Variants in ANK3 observed in about 807,000 individuals in gnomAD.
ANK3 encodes ankyrin-3.
A neutral mutation model predicts 370.9 loss-of-function variants in ANK3; 57 were observed. That is an observed-to-expected ratio of 0.15 (90% CI 0.12 to 0.19). The LOEUF is 0.19. ANK3 is among the 10% of genes least tolerant of loss of function. The probability of loss-of-function intolerance (pLI) is 1.00; values close to 1 mark genes in which losing one functional copy is unlikely to be tolerated. For synonymous variants in ANK3, 1,929 were observed against 1,946.3 expected (o/e 0.99, Z 0.23); for missense variants, 4,439 against 5,302.1 (o/e 0.84, Z 5.06).
intron 2 of ANK3, among the ~76,000 whole-genome samples, chr10:60,412,701 A>G (rs1392231982): frequency 6.6e-6 from 1 of 152,210 alleles, no homozygotes; most frequent in Non-Finnish European, 1.5e-5. Flanking sequence ...TAGAGCTGAG[A>G]CTGTCTGTAA....
chr10:60,271,044 C>T lies in ANK3; in HGVS notation c.415-815G>A, dbSNP rs116969271. Among the ~76,000 whole-genome samples the T allele has an allele frequency of 1.0e-3, 157 of 152,180 alleles. 1 individual carries two copies. The Middle Eastern group carries it at 0.014, about 13-fold the overall frequency. ...TTCAAGCAAATTAATATGCATATTA[C>T]ATCTTTTCCTACTAAAAAAATGTTG... is the stretch of plus-strand genomic sequence containing the variant. On this transcript the variant is annotated intron_variant, in intron 4 of 43. Transcript: ENST00000280772.
intron 2 of ANK3, among the ~76,000 whole-genome samples, chr10:60,458,223 T>A (rs956812418): frequency 6.6e-6 from 1 of 152,104 alleles, no homozygotes; most frequent in Non-Finnish European, 1.5e-5. Context: ...AAGTGTACTC[T>A]CTCCTTTCAT....
chr10:60,703,480 C>T (rs7909972), intron 1 of ANK3, among the ~76,000 whole-genome samples: 113 of 152,176 alleles, frequency 7.4e-4, no homozygotes, highest in African/African-American at 2.7e-3. Flanking sequence ...ACTACTCTGT[C>T]GGATTTTGTA....
chr10:60,236,447 C>G (rs1286967710), intron 7 of ANK3, among the ~76,000 whole-genome samples: 6 of 152,154 alleles, frequency 3.9e-5, no homozygotes. Flanking sequence ...CTCCACAGCT[C>G]CTCTATCCCA....
chr10:60,147,916 A>G (rs1324209486), intron 23 of ANK3, among the ~76,000 whole-genome samples: 1 of 152,202 alleles, frequency 6.6e-6, no homozygotes, highest in African/African-American at 2.4e-5. Context: ...GACTAATACA[A>G]CTTTCTGGCT....
intron 2 of ANK3, among the ~76,000 whole-genome samples, chr10:60,470,322 C>A (rs1207822981): frequency 6.6e-6 from 1 of 152,050 alleles, no homozygotes; most frequent in Non-Finnish European, 1.5e-5. Flanking sequence ...ATTAGGGGAG[C>A]TATGCTTGGT....
chr10:60,123,061 T>C (rs2093584855), intron 25 of ANK3, among the ~76,000 whole-genome samples: 1 of 152,146 alleles, frequency 6.6e-6, no homozygotes, highest in Non-Finnish European at 1.5e-5. Context: ...CTGAGAGTAA[T>C]GGAGCCATTT....
intron 12 of ANK3, among the ~76,000 whole-genome samples, chr10:60,201,500 C>A (rs1335826680): frequency 4.6e-5 from 7 of 152,126 alleles, no homozygotes; most frequent in African/African-American, 1.7e-4. Flanking sequence ...TTCTATAAAA[C>A]AATGTCAAAT....
chr10:60,412,263 G>A (rs898312231), intron 2 of ANK3, among the ~76,000 whole-genome samples: 10 of 152,154 alleles, frequency 6.6e-5, no homozygotes, highest in African/African-American at 1.7e-4. Context: ...ACTCAGTAGC[G>A]TAGATTGCCC....
chr10:60,531,439 A>G (rs1371115167), intron 2 of ANK3, among the ~76,000 whole-genome samples: 2 of 152,122 alleles, frequency 1.3e-5, no homozygotes, highest in African/African-American at 4.8e-5. Context: ...CTGTAATATT[A>G]GTTGCCTCTG....
At position 60,071,676 on chromosome 10, in the gene ANK3, T is replaced by C. The variant is rs1167250594; in HGVS notation, c.9205A>G (p.Ser3069Gly). The C allele has an allele frequency of 1.2e-6, 2 of 1,604,574 alleles. No homozygotes were observed. Among genetic ancestry groups the C allele is most frequent in the Non-Finnish European group, 1.7e-6 (2 of 1,176,612 alleles). The stretch of plus-strand genomic sequence containing the variant: ...AGTTTTTCCAATCCATCAATGGGAC[T>C]GTGGTCGAATACATCACTAGAGGGA... ...ESPSSDVFDH[S>G]PIDGLEKLAP... The change falls in exon 37 of 44, where the codon AGT becomes GGT. Residue 3069 changes from serine to glycine, a missense_variant. By Grantham distance (56) the Ser-to-Gly change is moderately conservative. Transcript: ENST00000280772.
At chr10:60,671,421 C>T (rs1238027796) in intron 1 of ANK3, among the ~76,000 whole-genome samples, 2 of 152,254 alleles carry the variant, frequency 1.3e-5, no homozygotes, top group African/African-American at 4.8e-5. Flanking sequence ...GTCACTTCCT[C>T]TCAGAGGTCT....
chr10:60,469,321 ATATATATATATACCACTTTTAGTG>A lies in ANK3; in HGVS notation c.96+145841_96+145864del, dbSNP rs1378957771. 2.5e-5 allele frequency among the ~76,000 whole-genome samples: 3 copies of A among 119,898 alleles called. 1 individual carries two copies. The highest frequency in any genetic ancestry group is 3.5e-5 in the Non-Finnish European group (2 of 57,630). 78.7% of individuals were successfully genotyped at this position (119,898 alleles called of 152,430 possible). A position where few individuals can be genotyped will look rare whatever the true frequency, so the allele number is the denominator to read the frequency against. On this transcript the variant is annotated intron_variant, in intron 2 of 43. Coordinates refer to the ANK3 transcript ENST00000373827. The stretch of plus-strand genomic sequence containing the variant: ...TATATATATATACCACTTTTAGTGT[ATATATATATATACCACTTTTAGTG>A]TATATATATATACCACTTTTAGTGT...
chr10:60,684,616 T>C, intron 1 of ANK3: 24 of 1,590,228 alleles, frequency 1.5e-5, no homozygotes, highest in South Asian at 9.9e-5. Context: ...AACTGTCTTA[T>C]ACAGGCTGCA....
chr10:60,636,185 C>T (rs961553747), intron 1 of ANK3, among the ~76,000 whole-genome samples: 2 of 152,152 alleles, frequency 1.3e-5, no homozygotes, highest in African/African-American at 4.8e-5. Context: ...ATAGGCAACA[C>T]AAATTTAATT....
At chr10:60,035,965 G>T (rs2074867510) in intron 43 of ANK3, among the ~76,000 whole-genome samples, 1 of 151,958 alleles carries the variant, frequency 6.6e-6, no homozygotes, top group African/African-American at 2.4e-5. Flanking sequence ...GGAGGGCAGG[G>T]TCCTGAATTT....
At chr10:60,062,132 GTGGT>G (rs2080660945) in intron 40 of ANK3, 4 of 152,186 alleles carry the variant, frequency 2.6e-5, no homozygotes. Context: ...GCTGGGCACG[GTGGT>G]GCATGCCTGT....
chr10:60,037,117 C>G (rs548239087), intron 43 of ANK3, among the ~76,000 whole-genome samples: 1 of 152,306 alleles, frequency 6.6e-6, no homozygotes, highest in African/African-American at 2.4e-5. Context: ...CCATGCTAAT[C>G]TATCAAGTGC....
intron 25 of ANK3, among the ~76,000 whole-genome samples, chr10:60,122,054 C>T (rs2093511731): frequency 6.6e-6 from 1 of 152,188 alleles, no homozygotes; most frequent in African/African-American, 2.4e-5. Flanking sequence ...AATGGAAAAG[C>T]TTGGCTTTGA....
Sources: gnomAD v4.1 joint callset for allele counts (sites outside exome capture counted in the v4.1 genomes callset) on GRCh38, gnomAD v4.1.1 for gene constraint, MANE v1.5 for transcripts, NCBI Gene and HGNC (gene_info 2026-07-23, HGNC 2026-07-21) for gene names.